ZNF671: variants seen among roughly 807,000 people sequenced by gnomAD.
The protein encoded by ZNF671 is zinc finger protein 671, also known as hypothetical protein FLJ23506.
ZNF671 carries 19 observed loss-of-function variants against 16.6 expected under a neutral mutation model. That is an observed-to-expected ratio of 1.14 (90% CI 0.80 to 1.68). ZNF671 has a LOEUF of 1.68. ZNF671 is among the 40% of genes most tolerant of loss of function. The pLI, the probability that ZNF671 is intolerant of heterozygous loss-of-function variation, is 0.00. For synonymous variants in ZNF671, 238 were observed against 236.3 expected (o/e 1.01, Z -0.06); for missense variants, 637 against 659.8 (o/e 0.97, Z 0.38).
chr19:57,720,815 G>A lies in ZNF671; in HGVS notation c.1271C>T (p.Pro424Leu). The change falls in exon 4 of 4, where the codon CCT becomes CTT. Residue 424 changes from proline to leucine, a missense_variant. Coordinates refer to ENST00000317398, the MANE Select transcript of ZNF671 (RefSeq NM_024833.3). ...LHQRTHTGER[P>L]YECSECGKAF... ...CTTCCCACATTCACTGCACTCATAAGGCCTTTCTCCAGTGTGAGTTCGTTG... is the reference window on the plus strand; with the variant it reads ...CTTCCCACATTCACTGCACTCATAAAGCCTTTCTCCAGTGTGAGTTCGTTG... The A allele has an allele frequency of 6.2e-7, 1 of 1,614,196 alleles. No homozygotes were observed.
chr19:57,720,427 A>G lies in ZNF671; in HGVS notation c.*54T>C. ...CATTAACTACTGCTAGTTCCCCACC[A>G]TATAGTAAGTCAGGGGCATTGGCCT... is the stretch of plus-strand genomic sequence containing the variant. On this transcript the variant is annotated 3_prime_UTR_variant, in exon 4 of 4. Transcript: ENST00000317398. The G allele has an allele frequency of 6.4e-7, 1 of 1,571,770 alleles. No individual in the cohort carries two copies. Among genetic ancestry groups the G allele is most frequent in the South Asian group, 1.2e-5 (1 of 84,888 alleles).
rs773106361 is a variant in ZNF671, at chr19:57,721,582, T to C, written c.504A>G (p.Ile168Met). The C allele has an allele frequency of 2.5e-5, 40 of 1,614,026 alleles. No individual in the cohort carries two copies. The highest frequency in any genetic ancestry group is 3.1e-5 in the Non-Finnish European group (36 of 1,180,040). ...MAELESHPCD[I>M]CGPILKDTLH... The stretch of plus-strand genomic sequence containing the variant: ...AGGTATCTTTCAATATTGGGCCACA[T>C]ATGTCACATGGGTGAGACTCCAGCT... The change falls in exon 4 of 4, where the codon ATA becomes ATG. Residue 168 changes from isoleucine (I) to methionine (M), a missense_variant. By Grantham distance (10) the Ile-to-Met change is conservative. Coordinates refer to ENST00000317398, the MANE Select transcript of ZNF671 (RefSeq NM_024833.3).
intron 2 of ZNF671, 31 bp downstream of exon 2, chr19:57,723,183 T>A: frequency 6.4e-7 from 1 of 1,574,632 alleles, no homozygotes; most frequent in Non-Finnish European, 8.6e-7. Flanking sequence ...AAGAACAGAG[T>A]GGTAAAGGCA....
In ZNF671 at chr19:57,719,968, AC is replaced by A. The variant is rs1404974069; in HGVS notation, c.*512del. 1 of 159,026 alleles carries A rather than the reference AC, an allele frequency of 6.3e-6. No individual in the cohort carries two copies. The highest frequency in any genetic ancestry group is 1.8e-4 in the East Asian group (1 of 5,492). The allele number at this position is 159,026 out of a possible 1,614,324, so 9.9% of individuals were successfully genotyped here. A position where few individuals can be genotyped will look rare whatever the true frequency, so the allele number is the denominator to read the frequency against. Reference sequence around the variant, plus strand: ...TTACATCAAAAGAGAGGAAATTAAGACCCCTAGTGGGCTGTGAGACCACTCA... The same window carrying A: ...TTACATCAAAAGAGAGGAAATTAAGACCCTAGTGGGCTGTGAGACCACTCA... On this transcript the variant is annotated 3_prime_UTR_variant, in exon 4 of 4. Coordinates refer to ENST00000317398, the MANE Select transcript of ZNF671 (RefSeq NM_024833.3).
Position 57,723,312 on chromosome 19 carries a change from A to G in ZNF671, c.167T>C (p.Val56Ala), listed in dbSNP as rs769616442. 3.7e-6 allele frequency: 6 copies of G among 1,613,418 alleles called. No homozygotes were observed. In the South Asian group the frequency reaches 4.4e-5, roughly 12 times the overall value. The change falls in exon 2 of 4, where the codon GTA becomes GCA. Residue 56 changes from valine to alanine, a missense_variant. By Grantham distance (64) the Val-to-Ala change is moderately conservative. Transcript: ENST00000317398. Reference protein sequence around the residue: ...RGCVVFEDVFVYFSREEWELL... With the variant: ...RGCVVFEDVFAYFSREEWELL... ...CTCCCATTCTTCCCGAGAGAAGTAT[A>G]CAAACACATCCTCAAAGACCACACA...
In ZNF671 at chr19:57,720,873, CTT is replaced by C. The variant is rs1985834954; in HGVS notation, c.1211_1212del (p.Lys404ArgfsTer22). 2.5e-6 allele frequency: 4 copies of C among 1,614,032 alleles called. No homozygotes were observed. The highest frequency in any genetic ancestry group is 2.7e-5 in the African/African-American group (2 of 74,976). ...ARPYVCSECG[K>X]EFSRKHTLVL... is the part of the protein sequence containing the mutation. ...ACAAGTGTGTGTTTCCGACTGAACTCTTTCCCACATTCGCTGCATACATAAGG... is the reference window on the plus strand; with the variant it reads ...ACAAGTGTGTGTTTCCGACTGAACTCTCCCACATTCGCTGCATACATAAGG... On this transcript the variant is annotated frameshift_variant, in exon 4 of 4. Coordinates refer to ENST00000317398, the MANE Select transcript of ZNF671 (RefSeq NM_024833.3). LOFTEE classifies it low-confidence loss of function (END_TRUNC).
intron 1 of ZNF671, among the ~76,000 whole-genome samples, chr19:57,726,341 A>G (rs929054457): frequency 1.3e-5 from 2 of 151,776 alleles, no homozygotes; most frequent in African/African-American, 4.8e-5. Flanking sequence ...ATAAACTAAA[A>G]CTAAAAGAAA....
In ZNF671 at chr19:57,723,186, T is replaced by A. The variant is rs749569584; in HGVS notation, c.265+28A>T. On this transcript the variant is annotated intron_variant, in intron 2 of 3. Coordinates refer to ENST00000317398, the MANE Select transcript of ZNF671 (RefSeq NM_024833.3). Reference sequence around the variant, plus strand: ...TCCCACCATAGGAAGAACAGAGTGGTAAAGGCAGAAAAGCATGAGGACCTT... The same window carrying A: ...TCCCACCATAGGAAGAACAGAGTGGAAAAGGCAGAAAAGCATGAGGACCTT... 2.5e-6 allele frequency: 4 copies of A among 1,587,740 alleles called. No homozygotes were observed. In the South Asian group the frequency reaches 4.5e-5, roughly 18 times the overall value.
At chr19:57,722,199 G>T in intron 3 of ZNF671, 117 bp downstream of exon 3, 1 of 1,473,722 alleles carries the variant, frequency 6.8e-7, no homozygotes, top group Non-Finnish European at 9.1e-7. Flanking sequence ...AACAGGAAAG[G>T]ACAGATAGAA....
intron 1 of ZNF671, among the ~76,000 whole-genome samples, chr19:57,724,598 T>C (rs1438421046): frequency 1.3e-5 from 2 of 151,606 alleles, no homozygotes; most frequent in African/African-American, 4.9e-5. Context: ...CGATCTTGGC[T>C]CACTGCAAGC....
chr19:57,723,166 C>T (rs757901466), intron 2 of ZNF671, 48 bp downstream of exon 2: 2 of 1,556,792 alleles, frequency 1.3e-6, no homozygotes, highest in East Asian at 4.5e-5. Context: ...CATGATCCCA[C>T]CATAGGAAGA....
chr19:57,724,581 A>G (rs1052830075), intron 1 of ZNF671, among the ~76,000 whole-genome samples: 1 of 150,696 alleles, frequency 6.6e-6, no homozygotes, highest in Admixed American at 6.6e-5. Flanking sequence ...GCTGGAGTGC[A>G]GTGGCACGAT....
intron 1 of ZNF671, among the ~76,000 whole-genome samples, chr19:57,725,108 G>C (rs150969826): frequency 3.3e-5 from 5 of 151,892 alleles, no homozygotes; most frequent in South Asian, 2.1e-4. Flanking sequence ...AGATGGATTC[G>C]TGAGATCCTT....
chr19:57,724,931 C>G (rs1447381116), intron 1 of ZNF671, among the ~76,000 whole-genome samples: 5 of 152,188 alleles, frequency 3.3e-5, no homozygotes, highest in Admixed American at 2.0e-4. Context: ...GGAACACATT[C>G]AACACCCTCA....
At chr19:57,724,892 T>A (rs1985993882) in intron 1 of ZNF671, among the ~76,000 whole-genome samples, 1 of 152,120 alleles carries the variant, frequency 6.6e-6, no homozygotes, top group Non-Finnish European at 1.5e-5. Context: ...ATACCCATGC[T>A]CAGCTGCATC....
chr19:57,722,464 C>T (rs2076525515), intron 2 of ZNF671, 26 bp from the exon 3 acceptor site: 1 of 1,610,858 alleles, frequency 6.2e-7, no homozygotes, highest in Admixed American at 1.7e-5. Flanking sequence ...AACAGGTGAG[C>T]AGCCAGCACT....
intron 1 of ZNF671, chr19:57,727,126 C>A: frequency 2.6e-6 from 1 of 387,554 alleles, no homozygotes; most frequent in Non-Finnish European, 4.6e-6. Flanking sequence ...GCGACAACTT[C>A]TCAGCCTGCC....
Position 57,720,591 on chromosome 19 carries a change from T to C in ZNF671, c.1495A>G (p.Lys499Glu), listed in dbSNP as rs1003171436. ...TQRPNLIRHW[K>E]VHTGERPYVC... ...TAAGGCCTTTCCCCAGTGTGGACTT[T>C]CCAGTGCCTGATGAGGTTGGGTCTT... The change falls in exon 4 of 4, where the codon AAA becomes GAA. Residue 499 changes from lysine to glutamate, a missense_variant. By Grantham distance (56) the Lys-to-Glu change is moderately conservative. Coordinates refer to ENST00000317398, the MANE Select transcript of ZNF671 (RefSeq NM_024833.3). 8 of 1,614,160 alleles carry C rather than the reference T, an allele frequency of 5.0e-6. No homozygotes were observed. Among genetic ancestry groups the C allele is most frequent in the African/African-American group, 1.3e-5 (1 of 75,030 alleles).
In ZNF671 at chr19:57,720,441, G is replaced by A. The variant is rs762431879; in HGVS notation, c.*40C>T. 9.4e-6 allele frequency: 15 copies of A among 1,587,520 alleles called. No homozygotes were observed. Among genetic ancestry groups the A allele is most frequent in the African/African-American group, 1.3e-5 (1 of 74,536 alleles). On this transcript the variant is annotated 3_prime_UTR_variant, in exon 4 of 4. Transcript: ENST00000317398. ...AGTTCCCCACCATATAGTAAGTCAG[G>A]GGCATTGGCCTAAGACTTTCCCCCA...
Sources: gnomAD v4.1 joint callset for allele counts (sites outside exome capture counted in the v4.1 genomes callset) on GRCh38, gnomAD v4.1.1 for gene constraint, MANE v1.5 for transcripts, NCBI Gene and HGNC (gene_info 2026-07-23, HGNC 2026-07-21) for gene names.